The following EML2 variants were observed in gnomAD, a reference collection of about 807,000 sequenced individuals.
EML2 encodes echinoderm microtubule-associated protein-like 2.
In EML2, 59 loss-of-function variants were observed where a neutral mutation model predicts 84.7. That is an observed-to-expected ratio of 0.70 (90% confidence interval 0.56 to 0.86). The LOEUF is 0.86. Ranked by LOEUF, EML2 falls within the 40% of genes least tolerant of loss-of-function variation. EML2 has a pLI of 0.00. For missense variants in EML2, 818 were observed against 855.6 expected (o/e 0.96, Z 0.55); for synonymous variants, 352 against 348.9 (o/e 1.01, Z -0.10).
rs140354162 is a variant in EML2, at chr19:45,619,121, T to C, written c.1193A>G (p.Asp398Gly). 1.2e-6 allele frequency: 2 copies of C among 1,613,132 alleles called. No homozygotes were observed. Among genetic ancestry groups the C allele is most frequent in the Admixed American group, 1.7e-5 (1 of 59,954 alleles). Reference protein sequence around the residue: ...SRAQFVTCGQDKLVHLWSSDS... With the variant: ...SRAQFVTCGQGKLVHLWSSDS... ...TGAGCTCCATAGATGCACCAGCTTATCCTGCCCGCAGGTCACAAACTGGGC... is the reference window on the plus strand; with the variant it reads ...TGAGCTCCATAGATGCACCAGCTTACCCTGCCCGCAGGTCACAAACTGGGC... The change falls in exon 12 of 19, where the codon GAT (aspartate) becomes GGT (glycine). Residue 398 changes from aspartate (D) to glycine (G), a missense_variant. By Grantham distance (94) the Asp-to-Gly change is moderately conservative. Transcript: ENST00000245925.
chr19:45,613,690 G>T lies in EML2; in HGVS notation c.1694-19C>A, dbSNP rs750416002. On this transcript the variant is annotated intron_variant, in intron 17 of 18. Transcript: ENST00000245925. ...CAGATCCCTGTGGGCAAGATGAAGGGAAGTGGTAAGATGTCAGCTGGAGCC... is the reference window on the plus strand; with the variant it reads ...CAGATCCCTGTGGGCAAGATGAAGGTAAGTGGTAAGATGTCAGCTGGAGCC... The T allele has an allele frequency of 6.2e-7, 1 of 1,607,862 alleles. No homozygotes were observed. The highest frequency in any genetic ancestry group is 8.5e-7 in the Non-Finnish European group (1 of 1,175,580).
intron 18 of EML2, 53 bp from the exon 19 acceptor site, chr19:45,609,841 C>A: frequency 6.3e-7 from 1 of 1,588,596 alleles, no homozygotes. Context: ...CAATGCCACC[C>A]CATCATGGTC....
chr19:45,611,478 A>ATTCTTC (rs36012138), intron 18 of EML2, among the ~76,000 whole-genome samples: 5 of 110,242 alleles, frequency 4.5e-5, no homozygotes, highest in East Asian at 2.7e-4. Flanking sequence ...ATATGTAACA[A>ATTCTTC]TTCTTCTTCT....
intron 7 of EML2, among the ~76,000 whole-genome samples, chr19:45,627,836 TG>T (rs1250219009): frequency 6.7e-6 from 1 of 148,308 alleles, no homozygotes; most frequent in Non-Finnish European, 1.5e-5. Flanking sequence ...CCAAGGCGGG[TG>T]GATCACCTGA....
upstream of EML2, chr19:45,643,847 G>A (rs1974821397): frequency 8.1e-7 from 1 of 1,234,246 alleles, no homozygotes; most frequent in Non-Finnish European, 1.1e-6. Context: ...GGAGGTGGGA[G>A]CCTCCTGAGG....
chr19:45,618,952 A>C, intron 12 of EML2, 108 bp downstream of exon 12: 3 of 1,051,498 alleles, frequency 2.9e-6, no homozygotes, highest in Non-Finnish European at 3.7e-6. Flanking sequence ...ACCTCGAAGA[A>C]AAAAAAAAAA....
chr19:45,626,910 G>A, intron 7 of EML2, 71 bp from the exon 8 acceptor site: 3 of 1,485,648 alleles, frequency 2.0e-6, no homozygotes, highest in Non-Finnish European at 2.7e-6. Flanking sequence ...GCCCCTCACA[G>A]GACTGCCCTA....
At chr19:45,615,418 T>C in intron 16 of EML2, among the ~76,000 whole-genome samples, 1 of 151,184 alleles carries the variant, frequency 6.6e-6, no homozygotes, top group Non-Finnish European at 1.5e-5. Context: ...CTCAGGAGGC[T>C]GAGGCAGAAG....
intron 9 of EML2, 93 bp from the exon 10 acceptor site, chr19:45,621,730 A>G: frequency 7.5e-7 from 1 of 1,337,420 alleles, no homozygotes; most frequent in Non-Finnish European, 1.0e-6. Flanking sequence ...ATGTCCATCC[A>G]TTCTCACCCA....
chr19:45,642,582 G>A, upstream of EML2: 1 of 1,311,226 alleles, frequency 7.6e-7, no homozygotes, highest in Non-Finnish European at 9.8e-7. Flanking sequence ...CAGCGCGCTG[G>A]CCGTGTGACC....
chr19:45,614,155 G>C (rs2116891), intron 17 of EML2, among the ~76,000 whole-genome samples: 9,534 of 152,172 alleles, frequency 0.063, 659 homozygotes, highest in African/African-American at 0.16. Flanking sequence ...TTCCCTCCAA[G>C]AGTAGGCCAG....
chr19:45,645,497 G>T, upstream of EML2: 9 of 1,393,240 alleles, frequency 6.5e-6, no homozygotes, highest in Non-Finnish European at 8.4e-6. Flanking sequence ...CCGGCGCTGG[G>T]GTCATCCCCA....
Position 45,621,515 on chromosome 19 carries a change from C to T in EML2, c.964G>A (p.Gly322Ser), listed in dbSNP as rs1289658695. The T allele has an allele frequency of 1.9e-6, 3 of 1,611,978 alleles. No homozygotes were observed. Among genetic ancestry groups the T allele is most frequent in the Non-Finnish European group, 2.5e-6 (3 of 1,179,920 alleles). Residue 322 changes from glycine (G) to serine (S), a missense_variant, in exon 10 of 19, where the codon GGT becomes AGT. By Grantham distance (56) the Gly-to-Ser change is moderately conservative. Coordinates refer to ENST00000245925, the MANE Select transcript of EML2 (RefSeq NM_012155.4). ...TCCTGCAGCTTGCTGTAGTCAGAAC[C>T]CCAGAGGACCACCCGCCGATCACGG... ...GGRDRRVVLW[G>S]SDYSKLQEVE...
chr19:45,625,253 T>C (rs1568458609), intron 8 of EML2, among the ~76,000 whole-genome samples: 1 of 151,944 alleles, frequency 6.6e-6, no homozygotes. Context: ...TTTTTGTTTT[T>C]GTTTTTCAGA....
intron 15 of EML2, 28 bp from the exon 16 acceptor site, chr19:45,615,917 G>C: frequency 1.3e-6 from 2 of 1,570,700 alleles, no homozygotes; most frequent in Admixed American, 1.7e-5. Flanking sequence ...GATGGTGTTA[G>C]AGCTGCAGAG....
chr19:45,624,514 C>G (rs1972074100), intron 9 of EML2, among the ~76,000 whole-genome samples: 1 of 152,108 alleles, frequency 6.6e-6, no homozygotes, highest in Middle Eastern at 3.2e-3. Context: ...TGATCCCTAA[C>G]AAGGGATTTC....
In EML2 at chr19:45,634,405, G is replaced by A; in HGVS notation, c.246C>T (p.Tyr82=). ...ATAGCACGGCTACGGAGGCCACAAAGTACACTATCTCCCCGGTGGGCAGCA... is the reference window on the plus strand; with the variant it reads ...ATAGCACGGCTACGGAGGCCACAAAATACACTATCTCCCCGGTGGGCAGCA... The part of the protein sequence containing the change: ...LYLLPTGEIV[Y]FVASVAVLYS... The change falls in exon 4 of 19, where the codon TAC becomes TAT. Residue 82 remains tyrosine (Y), a synonymous_variant. Transcript: ENST00000245925. 1 of 1,614,072 alleles carries A rather than the reference G, an allele frequency of 6.2e-7. No homozygotes were observed. The highest frequency in any genetic ancestry group is 8.5e-7 in the Non-Finnish European group (1 of 1,179,994).
intron 18 of EML2, among the ~76,000 whole-genome samples, chr19:45,611,945 C>T (rs1424853815): frequency 4.6e-5 from 7 of 152,274 alleles, no homozygotes; most frequent in Admixed American, 3.3e-4. Context: ...GATCTCCGCT[C>T]ACTACAGCCT....
At chr19:45,621,453 C>T (rs532912167) in intron 10 of EML2, 30 bp downstream of exon 10, 1 of 1,600,692 alleles carries the variant, frequency 6.2e-7, no homozygotes, top group African/African-American at 1.3e-5. Context: ...GGCCTCTCTA[C>T]CCCCATCTGA....
Sources: gnomAD v4.1 joint callset for allele counts (sites outside exome capture counted in the v4.1 genomes callset) on GRCh38, gnomAD v4.1.1 for gene constraint, MANE v1.5 for transcripts, NCBI Gene and HGNC (gene_info 2026-07-23, HGNC 2026-07-21) for gene names.